RIMS2: variants seen among roughly 807,000 people sequenced by gnomAD.
The protein encoded by RIMS2 is regulating synaptic membrane exocytosis protein 2.
RIMS2 carries 59 observed loss-of-function variants against 174.4 expected under a neutral mutation model. The observed-to-expected ratio is 0.34, with a 90% confidence interval of 0.27 to 0.42. RIMS2 has a LOEUF of 0.42. RIMS2 is among the 10% of genes least tolerant of loss of function. RIMS2 has a pLI of 1.00. For synonymous variants in RIMS2, 606 were observed against 572.5 expected (o/e 1.06, Z -0.84); for missense variants, 1,620 against 1,666.3 (o/e 0.97, Z 0.48).
In RIMS2 at chr8:103,713,960, C is replaced by A. The variant is rs552616045; in HGVS notation, c.387+16664C>A. ...TAGATCCCACTCCCAGTCCACAATT[C>A]TTACCCACTTGATGAGCACTTACTT... is the stretch of plus-strand genomic sequence containing the variant. On this transcript the variant is annotated intron_variant, in intron 2 of 23. Transcript: ENST00000504942. 2.0e-5 allele frequency among the ~76,000 whole-genome samples: 3 copies of A among 152,292 alleles called. No homozygotes were observed. The East Asian group carries it at 5.8e-4, about 29-fold the overall frequency.
At chr8:103,618,818 G>A (rs7016210) in intron 1 of RIMS2, among the ~76,000 whole-genome samples, 27,682 of 151,974 alleles carry the variant, frequency 0.18, 2,765 homozygotes, top group African/African-American at 0.26. Flanking sequence ...GCAAATGAGA[G>A]TTTTCTCTGA....
chr8:103,533,996 A>T (rs1468608140), intron 1 of RIMS2, among the ~76,000 whole-genome samples: 2 of 152,170 alleles, frequency 1.3e-5, no homozygotes, highest in African/African-American at 2.4e-5. Context: ...ATAAAATTTT[A>T]TTTCAATTTT....
At chr8:103,605,753 A>T (rs2095039740) in intron 1 of RIMS2, among the ~76,000 whole-genome samples, 1 of 151,936 alleles carries the variant, frequency 6.6e-6, no homozygotes, top group African/African-American at 2.4e-5. Context: ...CGAGGAATTT[A>T]TCCATTTCTG....
chr8:103,993,845 A>G (rs1384889557), intron 17 of RIMS2, among the ~76,000 whole-genome samples: 1 of 152,008 alleles, frequency 6.6e-6, no homozygotes, highest in Non-Finnish European at 1.5e-5. Context: ...TAGGCCATAT[A>G]GTGAGACCCT....
chr8:104,073,017 T>C (rs574302398), intron 19 of RIMS2, among the ~76,000 whole-genome samples: 1 of 152,232 alleles, frequency 6.6e-6, no homozygotes, highest in Non-Finnish European at 1.5e-5. Flanking sequence ...CCAGCTTGAA[T>C]GTGATTCATC....
intron 19 of RIMS2, among the ~76,000 whole-genome samples, chr8:104,169,341 A>ATATATATATATATAT (rs1563510137): frequency 1.4e-3 from 47 of 33,694 alleles, no homozygotes; most frequent in African/African-American, 2.5e-3. Flanking sequence ...TATATATATA[A>ATATATATATATATAT]AACAGATTCA....
chr8:104,145,871 G>T (rs117526636), intron 19 of RIMS2, among the ~76,000 whole-genome samples: 1 of 150,914 alleles, frequency 6.6e-6, no homozygotes. Flanking sequence ...CAAAAAAAAA[G>T]AAAAATGGTA....
In RIMS2 at chr8:103,787,929, T is replaced by C. The variant is rs886621298; in HGVS notation, c.698+21392T>C. ...ACACCAATCAGACGTAGATTTGGTC[T>C]TTTCACATAGTCCCATACTTCTTGG... On this transcript the variant is annotated intron_variant, in intron 3 of 23. Transcript: ENST00000504942. Among the ~76,000 whole-genome samples the C allele has an allele frequency of 2.6e-5, 4 of 152,254 alleles. No homozygotes were observed. The East Asian group carries it at 7.7e-4, about 29-fold the overall frequency.
chr8:103,739,018 C>A (rs1263702315), intron 2 of RIMS2, among the ~76,000 whole-genome samples: 1 of 152,178 alleles, frequency 6.6e-6, no homozygotes, highest in Non-Finnish European at 1.5e-5. Flanking sequence ...ACGTAGCCAT[C>A]CCATTACTGG....
At chr8:103,813,910 G>A (rs948481785) in intron 3 of RIMS2, among the ~76,000 whole-genome samples, 20 of 152,084 alleles carry the variant, frequency 1.3e-4, no homozygotes, top group Non-Finnish European at 2.9e-5. Context: ...TCCTTTGGGT[G>A]TATACCCAGT....
At chr8:104,031,443 AGTTTGGGATAT>A (rs1439652568) in intron 19 of RIMS2, among the ~76,000 whole-genome samples, 2 of 152,130 alleles carry the variant, frequency 1.3e-5, no homozygotes, top group African/African-American at 4.8e-5. Context: ...TTGAAAATGA[AGTTTGGGATAT>A]ACTAGAAGTA....
chr8:103,553,528 A>G (rs1563755004), intron 1 of RIMS2, among the ~76,000 whole-genome samples: 1 of 152,112 alleles, frequency 6.6e-6, no homozygotes, highest in Non-Finnish European at 1.5e-5. Context: ...GCACACCAAC[A>G]TGGCACATAT....
intron 3 of RIMS2, among the ~76,000 whole-genome samples, chr8:103,867,275 T>C (rs904999518): frequency 9.2e-5 from 14 of 151,958 alleles, no homozygotes; most frequent in South Asian, 6.2e-4. Context: ...AAAATAAGCA[T>C]GTAATAAGCA....
intron 1 of RIMS2, among the ~76,000 whole-genome samples, chr8:103,616,243 C>A (rs972815635): frequency 7.9e-5 from 12 of 152,150 alleles, no homozygotes; most frequent in Admixed American, 7.9e-4. Flanking sequence ...TGATTCATCA[C>A]ATAAGCTAAA....
At chr8:103,749,773 G>A (rs1033763977) in intron 2 of RIMS2, among the ~76,000 whole-genome samples, 2 of 151,930 alleles carry the variant, frequency 1.3e-5, no homozygotes, top group Admixed American at 6.6e-5. Context: ...GGGAATAAAG[G>A]GATCAGGTGA....
chr8:103,596,374 T>G (rs1313082665), intron 1 of RIMS2, among the ~76,000 whole-genome samples: 1 of 152,086 alleles, frequency 6.6e-6, no homozygotes, highest in Admixed American at 6.6e-5. Context: ...TTTATAAACC[T>G]TGGGTTTTTG....
At chr8:103,682,626 G>A (rs771283023) in intron 1 of RIMS2, among the ~76,000 whole-genome samples, 11 of 152,094 alleles carry the variant, frequency 7.2e-5, no homozygotes, top group Non-Finnish European at 1.5e-4. Context: ...GGCAAGGAAC[G>A]TCAATTAACT....
chr8:104,096,886 A>T (rs970698097), intron 19 of RIMS2, among the ~76,000 whole-genome samples: 3 of 151,740 alleles, frequency 2.0e-5, no homozygotes, highest in Non-Finnish European at 4.4e-5. Flanking sequence ...AAAAAAAAAA[A>T]AAGAAAAAGA....
chr8:104,049,126 T>TAAA (rs397891918), intron 19 of RIMS2, among the ~76,000 whole-genome samples: 2 of 139,828 alleles, frequency 1.4e-5, no homozygotes, highest in Non-Finnish European at 1.6e-5. Flanking sequence ...GATTTTTCTT[T>TAAA]AAAAAAAAAA....
Sources: allele counts gnomAD v4.1 joint callset (sites outside exome capture counted in the v4.1 genomes callset), GRCh38; gene constraint gnomAD v4.1.1; transcripts MANE v1.5; gene names NCBI Gene and HGNC (gene_info 2026-07-23, HGNC 2026-07-21).